ORC5: variants seen among roughly 807,000 people sequenced by gnomAD.
ORC5 encodes protein phosphatase 1, regulatory subunit 117.
In ORC5, 39 loss-of-function variants were observed where a neutral mutation model predicts 58.8. The ratio of observed to expected loss-of-function variants is 0.66; its 90% CI spans 0.51 to 0.87. ORC5 has a LOEUF of 0.87. ORC5 is among the 40% of genes least tolerant of loss of function. The pLI is 0.00. For missense variants in ORC5, 493 were observed against 506.3 expected (o/e 0.97, Z 0.25); for synonymous variants, 218 against 177.6 (o/e 1.23, Z -1.81).
intron 8 of ORC5, among the ~76,000 whole-genome samples, chr7:104,179,279 T>C (rs566954289): frequency 6.6e-6 from 1 of 152,202 alleles, no homozygotes; most frequent in Non-Finnish European, 1.5e-5. Flanking sequence ...GAAATAATTT[T>C]GTGTGGTAAA....
intron 5 of ORC5, 59 bp downstream of exon 5, chr7:104,195,084 C>A: frequency 1.2e-6 from 1 of 860,458 alleles, no homozygotes; most frequent in Non-Finnish European, 1.8e-6. Context: ...TTTAATCTTT[C>A]AAACAACAAA....
chr7:104,164,301 G>C (rs564013572), intron 11 of ORC5, among the ~76,000 whole-genome samples: 5 of 152,134 alleles, frequency 3.3e-5, no homozygotes, highest in Admixed American at 1.3e-4. Flanking sequence ...GCGTGTGCCT[G>C]TAGTCCCAGC....
At chr7:104,198,940 T>TG (rs1799865568) in intron 3 of ORC5, among the ~76,000 whole-genome samples, 1 of 152,212 alleles carries the variant, frequency 6.6e-6, no homozygotes, top group Non-Finnish European at 1.5e-5. Flanking sequence ...AGCGTATAGC[T>TG]CAGGCTGTTG....
At chr7:104,202,949 C>T (rs548722289) in intron 2 of ORC5, among the ~76,000 whole-genome samples, 2 of 152,250 alleles carry the variant, frequency 1.3e-5, no homozygotes, top group East Asian at 3.9e-4. Flanking sequence ...AAAATCATAG[C>T]TGAGAAGGCT....
At position 104,158,683 on chromosome 7, in the gene ORC5, T is replaced by A. The variant is rs528602186; in HGVS notation, c.1149+2389A>T. Among the ~76,000 whole-genome samples, 9 of 152,020 alleles carry A rather than the reference T, an allele frequency of 5.9e-5. No individual in the cohort carries two copies. The South Asian group carries it at 1.9e-3, about 32-fold the overall frequency. On this transcript the variant is annotated intron_variant, in intron 12 of 13. Transcript: ENST00000297431. Reference sequence around the variant, plus strand: ...GTGGGCGAAGGATATGAACAGACACTTCTCAAAAGAAGACATTTATGCAGC... The same window carrying A: ...GTGGGCGAAGGATATGAACAGACACATCTCAAAAGAAGACATTTATGCAGC...
chr7:104,196,958 T>C (rs942878583), intron 4 of ORC5, among the ~76,000 whole-genome samples: 1 of 152,164 alleles, frequency 6.6e-6, no homozygotes, highest in African/African-American at 2.4e-5. Context: ...TTATTCAAAC[T>C]ATTACAAAAC....
chr7:104,174,052 G>A (rs1799271433), intron 8 of ORC5, among the ~76,000 whole-genome samples: 1 of 151,512 alleles, frequency 6.6e-6, no homozygotes, highest in Non-Finnish European at 1.5e-5. Context: ...CACCGTTTTA[G>A]CCGGGATGGT....
At chr7:104,168,669 T>TTTTTTTTTTTTTTTTGA in intron 8 of ORC5, 144 bp from the exon 9 acceptor site, 1 of 477,396 alleles carries the variant, frequency 2.1e-6, no homozygotes. Context: ...TAAACATGTT[T>TTTTTTTTTTTTTTTTGA]GTACCTGTAC....
rs1273604194 is a variant in ORC5 at position 104,200,695 on chromosome 7, A to C, written c.366+63T>G. On this transcript the variant is annotated intron_variant, in intron 3 of 13. Transcript: ENST00000297431. Reference sequence around the variant, plus strand: ...TGAGACTCAAAACAAATATATGAAAATTGATCTAATAAATTATCAGTTTTC... The same window carrying C: ...TGAGACTCAAAACAAATATATGAAACTTGATCTAATAAATTATCAGTTTTC... The C allele has an allele frequency of 2.9e-6, 3 of 1,037,272 alleles. No homozygotes were observed. The South Asian group carries it at 4.3e-5, about 15-fold the overall frequency. The allele number at this position is 1,037,272 out of a possible 1,614,324, so 64.3% of individuals were successfully genotyped here.
intron 4 of ORC5, among the ~76,000 whole-genome samples, chr7:104,196,009 TTC>T (rs1799792698): frequency 6.6e-6 from 1 of 152,214 alleles, no homozygotes; most frequent in Non-Finnish European, 1.5e-5. Flanking sequence ...TTTGCCAGAT[TTC>T]TCTTAAATGA....
chr7:104,202,041 G>C (rs956395529), intron 2 of ORC5, among the ~76,000 whole-genome samples: 1 of 152,124 alleles, frequency 6.6e-6, no homozygotes, highest in African/African-American at 2.4e-5. Context: ...AATGAGCTAT[G>C]ATCATAACAC....
chr7:104,135,447 T>C (rs923958742), intron 13 of ORC5, among the ~76,000 whole-genome samples: 24 of 152,164 alleles, frequency 1.6e-4, no homozygotes, highest in African/African-American at 5.1e-4. Context: ...TGCATCATAT[T>C]ATCACAGAAC....
At chr7:104,147,483 A>C (rs1310551014) in intron 12 of ORC5, among the ~76,000 whole-genome samples, 1 of 152,188 alleles carries the variant, frequency 6.6e-6, no homozygotes, top group East Asian at 1.9e-4. Flanking sequence ...ATTAAAAATA[A>C]ATTTTTCAAC....
At chr7:104,205,621 T>A (rs1222462345) in intron 1 of ORC5, among the ~76,000 whole-genome samples, 1 of 152,308 alleles carries the variant, frequency 6.6e-6, no homozygotes, top group Non-Finnish European at 1.5e-5. Flanking sequence ...GCAGCTCAAC[T>A]GCTAAAAATA....
At chr7:104,170,516 G>A (rs1041668603) in intron 8 of ORC5, among the ~76,000 whole-genome samples, 3 of 152,168 alleles carry the variant, frequency 2.0e-5, no homozygotes, top group African/African-American at 7.2e-5. Flanking sequence ...GCCAGGGAAT[G>A]AAGGCAGCCT....
intron 5 of ORC5, among the ~76,000 whole-genome samples, chr7:104,188,690 A>G (rs912367908): frequency 1.3e-5 from 2 of 152,122 alleles, no homozygotes; most frequent in African/African-American, 4.8e-5. Flanking sequence ...CTCAATTTAT[A>G]CTAATGAGGT....
intron 1 of ORC5, among the ~76,000 whole-genome samples, chr7:104,207,472 T>C (rs1428325832): frequency 6.6e-6 from 1 of 152,184 alleles, no homozygotes; most frequent in African/African-American, 2.4e-5. Context: ...ACGTGTGAAC[T>C]TACATTTGAA....
chr7:104,136,733 A>T lies in ORC5; in HGVS notation c.1262+48T>A. The T allele has an allele frequency of 8.0e-7, 1 of 1,243,610 alleles. No homozygotes were observed. Among genetic ancestry groups the T allele is most frequent in the Non-Finnish European group, 1.2e-6 (1 of 850,288 alleles). 77.0% of individuals were successfully genotyped at this position (1,243,610 alleles called of 1,614,324 possible). On this transcript the variant is annotated intron_variant, in intron 13 of 13. Transcript: ENST00000297431. The surrounding 1 kb of genome is among the most constrained non-coding windows in gnomAD (Gnocchi z 4.2). ...ACTAATGACATCACATTTGGAAAACACTAATTTTTATATTTAGTATATCAT... is the reference window on the plus strand; with the variant it reads ...ACTAATGACATCACATTTGGAAAACTCTAATTTTTATATTTAGTATATCAT...
At chr7:104,184,500 C>CA (rs1468242567) in intron 6 of ORC5, 4 of 225,384 alleles carry the variant, frequency 1.8e-5, no homozygotes, top group Middle Eastern at 1.5e-3. Context: ...ACTATAATAA[C>CA]AAAACAGCAA....
Sources: gnomAD v4.1 joint callset for allele counts (sites outside exome capture counted in the v4.1 genomes callset) on GRCh38, gnomAD v4.1.1 for gene constraint, Gnocchi (gnomAD v3.1) non-coding constraint, MANE v1.5 for transcripts, NCBI Gene and HGNC (gene_info 2026-07-23, HGNC 2026-07-21) for gene names.